Variants in DROSHA observed in about 807,000 individuals in gnomAD.
DROSHA encodes the protein drosha ribonuclease III, also known as ribonuclease 3.
In DROSHA, 56 loss-of-function variants were observed where a neutral mutation model predicts 181.9. The observed-to-expected ratio is 0.31, with a 90% confidence interval of 0.25 to 0.38. The LOEUF (loss-of-function observed/expected upper bound fraction) is 0.38. Among genes scored for constraint, DROSHA ranks in the 10% least tolerant of loss-of-function variants. DROSHA has a pLI of 1.00. For synonymous variants in DROSHA, 524 were observed against 591.2 expected (o/e 0.89, Z 1.65); for missense variants, 1,218 against 1,743.5 (o/e 0.70, Z 5.37).
At position 31,511,073 on chromosome 5, in the gene DROSHA, G is replaced by A. The variant is rs755611158; in HGVS notation, c.1394C>T (p.Pro465Leu). The change falls in exon 9 of 36, where the codon CCG (proline) becomes CTG (leucine). Residue 465 changes from proline (P) to leucine (L), a missense_variant. Physicochemically the swap from Pro to Leu is moderately conservative, Grantham distance 98. Around this residue, in one of 8 missense-constraint regions of DROSHA, gnomAD observed 460 missense variants for 774.2 expected, o/e 0.59. Transcript: ENST00000344624. ...GAGCTTCGTCTTTGGAGGTTCCCACGGAGGCCGAGCAGCTTTGGCCTTTTC... is the reference window on the plus strand; with the variant it reads ...GAGCTTCGTCTTTGGAGGTTCCCACAGAGGCCGAGCAGCTTTGGCCTTTTC... ...RQEKAKAARP[P>L]WEPPKTKLDE... 17 of 1,613,852 alleles carry A rather than the reference G, an allele frequency of 1.1e-5. No homozygotes were observed. The South Asian group carries it at 1.2e-4, about 11-fold the overall frequency.
At chr5:31,429,133 A>G (rs946848734) in intron 27 of DROSHA, among the ~76,000 whole-genome samples, 3 of 152,218 alleles carry the variant, frequency 2.0e-5, no homozygotes, top group Non-Finnish European at 4.4e-5. Context: ...CTAAGCCTGC[A>G]TGGGGTAGAT....
intron 14 of DROSHA, among the ~76,000 whole-genome samples, chr5:31,485,343 C>T (rs1288149546): frequency 3.1e-5 from 4 of 129,842 alleles, no homozygotes; most frequent in Non-Finnish European, 7.0e-5. Flanking sequence ...CCGCCCCATA[C>T]ATCCAGCATA....
chr5:31,519,427 G>A (rs1175935352), intron 6 of DROSHA, among the ~76,000 whole-genome samples: 4 of 152,038 alleles, frequency 2.6e-5, no homozygotes, highest in South Asian at 2.1e-4. Flanking sequence ...CCTATCAAAC[G>A]CACTTACAGC....
At chr5:31,480,705 G>C (rs916357225) in intron 16 of DROSHA, among the ~76,000 whole-genome samples, 1 of 152,138 alleles carries the variant, frequency 6.6e-6, no homozygotes, top group African/African-American at 2.4e-5. Context: ...GCATTATTAT[G>C]ACCAATTAAA....
chr5:31,526,221 G>T lies in DROSHA; in HGVS notation c.712C>A (p.His238Asn). 1 of 1,613,936 alleles carries T rather than the reference G, an allele frequency of 6.2e-7. No homozygotes were observed. Residue 238 changes from histidine (H) to asparagine (N), a missense_variant, in exon 5 of 36, where the codon CAT (histidine) becomes AAT (asparagine). His to Asn is a moderately conservative substitution (Grantham distance 68). Around this residue, in one of 8 missense-constraint regions of DROSHA, gnomAD observed 536 missense variants for 535.4 expected, o/e 1.00. Coordinates refer to ENST00000344624, the MANE Select transcript of DROSHA (RefSeq NM_001382508.1). ...YDDHRHRDHS[H>N]GRGERHRSLD... Reference sequence around the variant, plus strand: ...GACCGATGCCTCTCACCTCGCCCATGACTGTGATCTCGGTGCCTGTGGTCA... The same window carrying T: ...GACCGATGCCTCTCACCTCGCCCATTACTGTGATCTCGGTGCCTGTGGTCA...
chr5:31,480,178 GTATATATATA>G (rs55828936), intron 16 of DROSHA, among the ~76,000 whole-genome samples: 1,681 of 84,872 alleles, frequency 0.02, 113 homozygotes, highest in African/African-American at 0.051. Flanking sequence ...GGCAATGTCA[GTATATATATA>G]TATATATATA....
At chr5:31,403,387 A>G (rs773376707) in intron 35 of DROSHA, among the ~76,000 whole-genome samples, 11 of 152,176 alleles carry the variant, frequency 7.2e-5, no homozygotes, top group Non-Finnish European at 1.5e-4. Flanking sequence ...TATATATGCA[A>G]TGTAAATGTG....
intron 25 of DROSHA, 45 bp downstream of exon 25, chr5:31,435,720 G>A (rs767392779): frequency 2.6e-6 from 4 of 1,556,346 alleles, no homozygotes; most frequent in Admixed American, 1.7e-5. Flanking sequence ...GACCGCAGAA[G>A]AGCATGTCAG....
At chr5:31,498,209 C>T (rs1753206794) in intron 11 of DROSHA, among the ~76,000 whole-genome samples, 2 of 152,138 alleles carry the variant, frequency 1.3e-5, no homozygotes, top group African/African-American at 4.8e-5. Flanking sequence ...GGAGTATCAG[C>T]CCTGTGAGAC....
Position 31,453,324 on chromosome 5 carries a change from C to T in DROSHA, c.2575-1684G>A, listed in dbSNP as rs563809034. The stretch of plus-strand genomic sequence containing the variant: ...GATCCTCCCACCTCAGCCACCAAAC[C>T]CCAGTAGCTGGGACTACAGGCATGC... On this transcript the variant is annotated intron_variant, in intron 20 of 35. Transcript: ENST00000344624. Among the ~76,000 whole-genome samples the T allele has an allele frequency of 3.3e-4, 51 of 152,240 alleles. No homozygotes were observed. The South Asian group carries it at 0.01, about 30-fold the overall frequency.
intron 16 of DROSHA, among the ~76,000 whole-genome samples, chr5:31,482,683 G>A (rs1327274462): frequency 6.6e-6 from 1 of 152,062 alleles, no homozygotes; most frequent in African/African-American, 2.4e-5. Flanking sequence ...TGTAAGCCAG[G>A]TTTCACAGCA....
chr5:31,499,557 A>G (rs1753352398), intron 11 of DROSHA, among the ~76,000 whole-genome samples: 1 of 149,766 alleles, frequency 6.7e-6, no homozygotes, highest in Admixed American at 6.6e-5. Flanking sequence ...CCAGGTGTTT[A>G]AGACTGTGGA....
At chr5:31,403,027 C>T (rs1380479549) in intron 35 of DROSHA, among the ~76,000 whole-genome samples, 2 of 152,216 alleles carry the variant, frequency 1.3e-5, no homozygotes, top group African/African-American at 2.4e-5. Context: ...CTGCCTCGGC[C>T]TCCCAAAGTG....
rs745898205 is a variant in DROSHA at position 31,493,233 on chromosome 5, T to C, written c.1816A>G (p.Met606Val). Residue 606 changes from methionine to valine, a missense_variant, in exon 13 of 36, where the codon ATG (methionine) becomes GTG (valine). By Grantham distance (21) the Met-to-Val change is conservative. This residue lies in a region of DROSHA where 460 missense variants were observed against 774.2 expected (regional missense o/e 0.59). Transcript: ENST00000344624. ...TTGGTCAGGGGGGCATGTGCAAACA[T>C]AGAAAATCCTTCAAAGATATACTCG... ...DHEYIFEGFS[M>V]FAHAPLTNIP... The C allele has an allele frequency of 1.1e-5, 17 of 1,606,716 alleles. No individual in the cohort carries two copies. The highest frequency in any genetic ancestry group is 1.0e-4 in the Admixed American group (6 of 59,006).
chr5:31,427,850 G>T (rs112223448), intron 27 of DROSHA, among the ~76,000 whole-genome samples: 58 of 152,280 alleles, frequency 3.8e-4, no homozygotes, highest in African/African-American at 1.4e-3. Flanking sequence ...ACTAATAGGT[G>T]GAAACCAATA....
intron 28 of DROSHA, 199 bp from the exon 29 acceptor site, chr5:31,423,143 T>C: frequency 2.0e-6 from 1 of 512,782 alleles, no homozygotes; most frequent in Non-Finnish European, 3.3e-6. Flanking sequence ...TCAAATAATA[T>C]TTTCCAATCT....
chr5:31,420,263 G>A (rs959155537), intron 30 of DROSHA, among the ~76,000 whole-genome samples: 2 of 152,178 alleles, frequency 1.3e-5, no homozygotes, highest in Non-Finnish European at 2.9e-5. Context: ...ACATACTAAA[G>A]ACAGACTGCA....
intron 10 of DROSHA, among the ~76,000 whole-genome samples, chr5:31,506,695 CAA>C (rs35766843): frequency 0.031 from 3,873 of 125,860 alleles, 164 homozygotes; most frequent in African/African-American, 0.12. Context: ...GACTCCGTCT[CAA>C]AAAAAAAAAA....
chr5:31,495,519 T>C (rs1450682116), intron 11 of DROSHA, 147 bp from the exon 12 acceptor site: 1 of 724,522 alleles, frequency 1.4e-6, no homozygotes, highest in African/African-American at 1.8e-5. Flanking sequence ...AGTATTGGCT[T>C]TGCCATACCT....
Sources: allele counts gnomAD v4.1 joint callset (sites outside exome capture counted in the v4.1 genomes callset), GRCh38; gene constraint gnomAD v4.1.1; regional missense constraint gnomAD v4.1.1; transcripts MANE v1.5; gene names NCBI Gene and HGNC (gene_info 2026-07-23, HGNC 2026-07-21).